ANO6: variants seen among roughly 807,000 people sequenced by gnomAD.
ANO6 encodes anoctamin-6.
In ANO6, 106 loss-of-function variants were observed where a neutral mutation model predicts 117.5. The ratio of observed to expected loss-of-function variants is 0.90; its 90% confidence interval spans 0.77 to 1.06. The LOEUF (loss-of-function observed/expected upper bound fraction) is 1.06. Ranked by LOEUF, ANO6 falls within the 50% of genes least tolerant of loss-of-function variation. The pLI is 0.00. For missense variants in ANO6, 955 were observed against 1,121.1 expected, an observed-to-expected ratio of 0.85 and a Z score of 2.12; for synonymous variants, 367 against 385.1, an observed-to-expected ratio of 0.95 and a Z score of 0.55.
intron 4 of ANO6, 41 bp from the exon 5 acceptor site, chr12:45,347,987 G>T: frequency 1.3e-6 from 2 of 1,586,234 alleles, no homozygotes; most frequent in South Asian, 1.1e-5. Context: ...ATTGTGAAAA[G>T]AGTTGGTTTC....
chr12:45,341,730 G>A (rs1333785440), intron 3 of ANO6, among the ~76,000 whole-genome samples: 1 of 152,192 alleles, frequency 6.6e-6, no homozygotes, highest in Non-Finnish European at 1.5e-5. Flanking sequence ...TCCCACTGCA[G>A]GGACGAAGGG....
intron 1 of ANO6, among the ~76,000 whole-genome samples, chr12:45,283,773 G>A (rs1444512544): frequency 6.6e-6 from 1 of 152,120 alleles, no homozygotes; most frequent in Non-Finnish European, 1.5e-5. Flanking sequence ...TGCAGGGCCT[G>A]TTGATTCTAA....
intron 15 of ANO6, among the ~76,000 whole-genome samples, chr12:45,404,729 T>TA (rs539298532): frequency 4.6e-5 from 7 of 152,116 alleles, no homozygotes; most frequent in African/African-American, 1.2e-4. Flanking sequence ...TGTTTAGAAA[T>TA]AAAAAACCTC....
chr12:45,268,030 A>C (rs973314695), intron 1 of ANO6, among the ~76,000 whole-genome samples: 1 of 152,250 alleles, frequency 6.6e-6, no homozygotes, highest in Non-Finnish European at 1.5e-5. Flanking sequence ...TAAAAAGGCC[A>C]GGTGCATTTT....
intron 1 of ANO6, among the ~76,000 whole-genome samples, chr12:45,264,873 C>T (rs1392155163): frequency 6.6e-6 from 1 of 152,208 alleles, no homozygotes; most frequent in East Asian, 1.9e-4. Flanking sequence ...AAAGCCAACA[C>T]ACCAAATTTG....
chr12:45,294,356 A>G (rs1234274151), intron 1 of ANO6, among the ~76,000 whole-genome samples: 1 of 152,200 alleles, frequency 6.6e-6, no homozygotes. Context: ...GGCCATGAGT[A>G]AAAAATGTTC....
rs114858844 is a variant in ANO6 at position 45,298,516 on chromosome 12, G to A, written c.71-3498G>A. Among the ~76,000 whole-genome samples, 965 of 152,256 alleles carry A rather than the reference G, an allele frequency of 6.3e-3. 7 individuals are homozygous for A. The highest frequency in any genetic ancestry group is 0.021 in the African/African-American group (889 of 41,546). On this transcript the variant is annotated intron_variant, in intron 1 of 19. Transcript: ENST00000320560. The stretch of plus-strand genomic sequence containing the variant: ...TAACTAGAGCCCCTCAGTAGTGGGG[G>A]TAGAATTATATTGGCCTCATAAATC...
At chr12:45,246,862 T>C (rs1186938824) in intron 1 of ANO6, among the ~76,000 whole-genome samples, 1 of 150,780 alleles carries the variant, frequency 6.6e-6, no homozygotes, top group Non-Finnish European at 1.5e-5. Context: ...CCTCCTGGGT[T>C]CAAGCGATTA....
At chr12:45,328,358 C>G (rs975682859) in intron 2 of ANO6, among the ~76,000 whole-genome samples, 1 of 152,014 alleles carries the variant, frequency 6.6e-6, no homozygotes, top group Non-Finnish European at 1.5e-5. Context: ...ACCTGCAGTT[C>G]TTGGCACTTT....
intron 8 of ANO6, among the ~76,000 whole-genome samples, chr12:45,362,010 T>A (rs1029256178): frequency 9.2e-5 from 14 of 152,098 alleles, no homozygotes; most frequent in Admixed American, 4.6e-4. Context: ...ATAGAATGAG[T>A]TGAGAAGTGT....
intron 1 of ANO6, among the ~76,000 whole-genome samples, chr12:45,229,498 T>C (rs1238481531): frequency 6.6e-6 from 1 of 150,796 alleles, no homozygotes; most frequent in African/African-American, 2.4e-5. Flanking sequence ...CAAGCGAGTC[T>C]CCTGCCTCAG....
chr12:45,293,080 T>G (rs762207390), intron 1 of ANO6: 3 of 1,208,184 alleles, frequency 2.5e-6, no homozygotes, highest in Non-Finnish European at 3.4e-6. Context: ...CTGCTTTGTG[T>G]GTGTGTCACA....
At chr12:45,257,532 A>G (rs1051457722) in intron 1 of ANO6, among the ~76,000 whole-genome samples, 7 of 151,586 alleles carry the variant, frequency 4.6e-5, no homozygotes, top group Non-Finnish European at 5.9e-5. Flanking sequence ...CATTTCACCC[A>G]CTCTCCCTGA....
At chr12:45,307,521 T>C (rs1342841222) in intron 2 of ANO6, among the ~76,000 whole-genome samples, 1 of 152,104 alleles carries the variant, frequency 6.6e-6, no homozygotes, top group Non-Finnish European at 1.5e-5. Flanking sequence ...CTGTTTTGGA[T>C]ATGTAAAGTT....
At position 45,416,684 on chromosome 12, in the gene ANO6, C is replaced by G. The variant is rs114952833; in HGVS notation, c.2012-15C>G. 2,500 of 1,613,252 alleles carry G rather than the reference C, an allele frequency of 1.5e-3. 30 individuals are homozygous for G. In the African/African-American group the frequency reaches 0.029, roughly 19 times the overall value. On this transcript the variant is annotated splice_polypyrimidine_tract_variant and intron_variant, in intron 16 of 19. Transcript: ENST00000320560. The stretch of plus-strand genomic sequence containing the variant: ...TCCACCACCACTCCATGATGTGTGT[C>G]CATTCCATTGACAGTTATTCAGTTT...
chr12:45,312,692 A>G (rs1251361924), intron 2 of ANO6, among the ~76,000 whole-genome samples: 1 of 152,044 alleles, frequency 6.6e-6, no homozygotes, highest in Non-Finnish European at 1.5e-5. Flanking sequence ...TTACCCAGAA[A>G]ACTCTTAATG....
At chr12:45,304,752 A>G (rs936350622) in intron 2 of ANO6, among the ~76,000 whole-genome samples, 1 of 152,200 alleles carries the variant, frequency 6.6e-6, no homozygotes, top group African/African-American at 2.4e-5. Flanking sequence ...AACGAGACCT[A>G]AGAGAACATT....
At chr12:45,425,982 C>A (rs75885077) in intron 19 of ANO6, among the ~76,000 whole-genome samples, 2,004 of 152,276 alleles carry the variant, frequency 0.013, 36 homozygotes, top group African/African-American at 0.046. Flanking sequence ...CAACTTCTAA[C>A]AAAACCAGTG....
chr12:45,245,019 T>C (rs1013107128), intron 1 of ANO6, among the ~76,000 whole-genome samples: 2 of 152,326 alleles, frequency 1.3e-5, no homozygotes, highest in East Asian at 3.9e-4. Context: ...GCTCTCTCCT[T>C]GCAGTAGAGT....
Sources: gnomAD v4.1 joint callset for allele counts (sites outside exome capture counted in the v4.1 genomes callset) on GRCh38, gnomAD v4.1.1 for gene constraint, MANE v1.5 for transcripts, NCBI Gene and HGNC (gene_info 2026-07-23, HGNC 2026-07-21) for gene names.